KAZN: variants seen among roughly 807,000 people sequenced by gnomAD.
The protein encoded by KAZN is kazrin, periplakin interacting protein, also known as kazrin.
Under a neutral mutation model 87.4 loss-of-function variants are expected in KAZN, and 40 were observed. The observed-to-expected ratio is 0.46, with a 90% confidence interval of 0.36 to 0.60. The LOEUF (loss-of-function observed/expected upper bound fraction) is 0.60, where lower values mean the gene tolerates loss of function less well. Ranked by LOEUF, KAZN falls within the 20% of genes least tolerant of loss-of-function variation. KAZN has a pLI of 0.00. For synonymous variants in KAZN, 466 were observed against 458.3 expected (o/e 1.02, Z -0.22); for missense variants, 898 against 1,073.9 (o/e 0.84, Z 2.29).
intron 2 of KAZN, among the ~76,000 whole-genome samples, chr1:14,388,779 A>G (rs1359670539): frequency 6.6e-6 from 1 of 152,234 alleles, no homozygotes; most frequent in Non-Finnish European, 1.5e-5. Context: ...TCTCCAGGAC[A>G]TTGGACTGGG....
chr1:14,346,641 A>C (rs557714676), intron 2 of KAZN, among the ~76,000 whole-genome samples: 1 of 152,202 alleles, frequency 6.6e-6, no homozygotes, highest in Non-Finnish European at 1.5e-5. Context: ...CAGGGTACTT[A>C]GATGTTAGGA....
intron 1 of KAZN, among the ~76,000 whole-genome samples, chr1:14,763,003 A>G (rs934764382): frequency 1.3e-5 from 2 of 152,238 alleles, no homozygotes; most frequent in South Asian, 4.1e-4. Context: ...AAATAAAGAC[A>G]TTCATAACTT....
At chr1:14,647,560 A>G (rs1187428542) in intron 1 of KAZN, among the ~76,000 whole-genome samples, 1 of 152,166 alleles carries the variant, frequency 6.6e-6, no homozygotes, top group Non-Finnish European at 1.5e-5. Context: ...CTGGGCTGGT[A>G]AGTAAATGAT....
chr1:14,398,250 C>G (rs1663067164), intron 2 of KAZN, among the ~76,000 whole-genome samples: 1 of 152,226 alleles, frequency 6.6e-6, no homozygotes, highest in African/African-American at 2.4e-5. Context: ...ATTATTCATA[C>G]TCTTTTCCTA....
At chr1:14,822,377 A>G (rs1646759211) in intron 1 of KAZN, among the ~76,000 whole-genome samples, 2 of 121,038 alleles carry the variant, frequency 1.7e-5, no homozygotes, top group African/African-American at 6.4e-5. Context: ...CCTTGTCTTC[A>G]CCAAGATTCT....
chr1:14,757,206 T>G (rs77121323), intron 1 of KAZN, among the ~76,000 whole-genome samples: 12 of 152,150 alleles, frequency 7.9e-5, no homozygotes, highest in East Asian at 3.9e-4. Flanking sequence ...CAATATATGG[T>G]TTTTTTCAGT....
At chr1:14,447,412 T>G (rs1411932438) in intron 2 of KAZN, among the ~76,000 whole-genome samples, 1 of 151,820 alleles carries the variant, frequency 6.6e-6, no homozygotes, top group African/African-American at 2.4e-5. Flanking sequence ...CTAATTTTTT[T>G]GTATTTTTAG....
In KAZN at chr1:14,654,287, C is replaced by CAAAA. The variant is rs140822403; in HGVS notation, c.226+55082_226+55085dup. On this transcript the variant is annotated intron_variant, in intron 1 of 14. Coordinates refer to ENST00000376030, the MANE Select transcript of KAZN (RefSeq NM_201628.3). Reference sequence around the variant, plus strand: ...GGGCAACAAGAGTGAGGCTTCGTCTCAAAAAAAAAAAAAAAAAAAAATCTC... The same window carrying CAAAA: ...GGGCAACAAGAGTGAGGCTTCGTCTCAAAAAAAAAAAAAAAAAAAAAAAAATCTC... Among the ~76,000 whole-genome samples the CAAAA allele has an allele frequency of 3.1e-3, 249 of 80,184 alleles. 7 individuals are homozygous for CAAAA. The highest frequency in any genetic ancestry group is 9.7e-3 in the African/African-American group (222 of 22,790). The allele number at this position is 80,184 out of a possible 152,430, so 52.6% of individuals were successfully genotyped here.
intron 2 of KAZN, among the ~76,000 whole-genome samples, chr1:14,209,952 T>C (rs1646819311): frequency 6.6e-6 from 1 of 152,156 alleles, no homozygotes. Context: ...GGGTTTTATG[T>C]CTCCCTCTGA....
intron 1 of KAZN, among the ~76,000 whole-genome samples, chr1:14,768,111 A>T: frequency 6.6e-6 from 1 of 152,298 alleles, no homozygotes; most frequent in South Asian, 2.1e-4. Context: ...TCCAAGATCA[A>T]CTCTCACTAC....
At chr1:14,642,982 A>T (rs925199829) in intron 1 of KAZN, among the ~76,000 whole-genome samples, 3 of 152,208 alleles carry the variant, frequency 2.0e-5, no homozygotes, top group African/African-American at 7.2e-5. Flanking sequence ...TGAAACATCT[A>T]TCCACCATGT....
At chr1:14,094,891 A>G (rs1463197267) in intron 1 of KAZN, among the ~76,000 whole-genome samples, 1 of 152,190 alleles carries the variant, frequency 6.6e-6, no homozygotes, top group African/African-American at 2.4e-5. Context: ...GCTGTGTTGG[A>G]GCAGATTAAT....
At chr1:14,997,081 C>T (rs1667944789) in intron 2 of KAZN, among the ~76,000 whole-genome samples, 2 of 152,136 alleles carry the variant, frequency 1.3e-5, no homozygotes, top group South Asian at 2.1e-4. Flanking sequence ...TGAAATGTCA[C>T]CTGCTCGGAG....
intron 2 of KAZN, among the ~76,000 whole-genome samples, chr1:14,246,034 C>T (rs1649471524): frequency 6.6e-6 from 1 of 152,148 alleles, no homozygotes; most frequent in Non-Finnish European, 1.5e-5. Context: ...TTTGCAGGGG[C>T]ATGGATAAAG....
intron 1 of KAZN, among the ~76,000 whole-genome samples, chr1:14,880,922 G>A (rs560201587): frequency 6.5e-4 from 99 of 152,282 alleles, no homozygotes; most frequent in Middle Eastern, 3.4e-3. Flanking sequence ...TGCTAGGCTC[G>A]TGCTGAGGGT....
intron 2 of KAZN, among the ~76,000 whole-genome samples, chr1:14,471,615 T>C (rs1449582428): frequency 6.6e-6 from 1 of 152,208 alleles, no homozygotes; most frequent in Non-Finnish European, 1.5e-5. Flanking sequence ...TGTACCCAAG[T>C]ACGTGCCAGG....
intron 1 of KAZN, among the ~76,000 whole-genome samples, chr1:13,897,629 A>G (rs1248182862): frequency 6.6e-6 from 1 of 152,180 alleles, no homozygotes; most frequent in South Asian, 2.1e-4. Context: ...GCCACCCTGC[A>G]GGGTGGATGG....
chr1:14,330,757 TG>T (rs1429700771), intron 2 of KAZN, among the ~76,000 whole-genome samples: 25 of 152,048 alleles, frequency 1.6e-4, no homozygotes, highest in Non-Finnish European at 5.9e-5. Context: ...CATGAATGCG[TG>T]GGGGGTTGGT....
chr1:13,965,465 A>G (rs1003580445), intron 1 of KAZN, among the ~76,000 whole-genome samples: 4 of 152,132 alleles, frequency 2.6e-5, no homozygotes, highest in African/African-American at 9.7e-5. Context: ...GTGTTTTGTT[A>G]AGGTGGGTGC....
Sources: allele counts gnomAD v4.1 joint callset (sites outside exome capture counted in the v4.1 genomes callset), GRCh38; gene constraint gnomAD v4.1.1; transcripts MANE v1.5; gene names NCBI Gene and HGNC (gene_info 2026-07-23, HGNC 2026-07-21).